OGG1: variants seen among roughly 807,000 people sequenced by gnomAD.
OGG1 encodes the protein 8-oxoguanine DNA glycosylase, also known as N-glycosylase/DNA lyase.
OGG1 carries 35 observed loss-of-function variants against 42.3 expected under a neutral mutation model. That is an observed-to-expected ratio of 0.83 (90% CI 0.63 to 1.10). The LOEUF is 1.10. Ranked by LOEUF, OGG1 falls within the 50% of genes least tolerant of loss-of-function variation. The pLI is 0.00. For missense variants in OGG1, 484 were observed against 446.7 expected, an observed-to-expected ratio of 1.08 and a Z score of -0.75; for synonymous variants, 189 against 179.0, an observed-to-expected ratio of 1.06 and a Z score of -0.44.
intron 4 of OGG1, 142 bp from the exon 5 acceptor site, chr3:9,756,329 A>G: frequency 1.2e-6 from 1 of 815,522 alleles, no homozygotes; most frequent in Non-Finnish European, 2.0e-6. Context: ...AAGTGTATTC[A>G]TAGATAGTAT....
chr3:9,757,551 G>A, downstream of OGG1: 2 of 1,613,692 alleles, frequency 1.2e-6, no homozygotes, highest in Non-Finnish European at 1.7e-6. This position sits in a 1 kb window ranked among gnomAD's most constrained non-coding sequence, Gnocchi z 4.5. Context: ...AGAGCTGGTG[G>A]GGCAGTGTGG....
intron 3 of OGG1, chr3:9,783,239 A>G (rs1375529899): frequency 6.6e-6 from 1 of 152,198 alleles, no homozygotes; most frequent in Non-Finnish European, 1.5e-5. Context: ...ATGAAAAGAC[A>G]AAAAATAAAT....
intron 3 of OGG1, chr3:9,785,294 T>C: frequency 6.3e-7 from 1 of 1,582,454 alleles, no homozygotes; most frequent in Non-Finnish European, 8.7e-7. Flanking sequence ...AGACTGTGGG[T>C]TGTGGATAGG....
intron 3 of OGG1, among the ~76,000 whole-genome samples, chr3:9,785,923 C>G (rs1331037069): frequency 6.6e-6 from 1 of 151,158 alleles, no homozygotes; most frequent in Non-Finnish European, 1.5e-5. Context: ...CCTTCACACA[C>G]TCCTCCTTGT....
At chr3:9,786,320 G>A (rs2078609769) in intron 3 of OGG1, among the ~76,000 whole-genome samples, 2 of 152,080 alleles carry the variant, frequency 1.3e-5, no homozygotes, top group Non-Finnish European at 2.9e-5. Context: ...CCGTCAGCTG[G>A]GGTCCCTGTC....
rs56387615 is a variant in OGG1, at chr3:9,750,234, G to C, written c.-53G>C. Reference sequence around the variant, plus strand: ...CTGGGCGGGGTCTTTGGGCGTCGACGAGGCCTGGTTCTGGGTAGGCGGGGC... The same window carrying C: ...CTGGGCGGGGTCTTTGGGCGTCGACCAGGCCTGGTTCTGGGTAGGCGGGGC... On this transcript the variant is annotated 5_prime_UTR_variant, in exon 1 of 7. Coordinates refer to ENST00000344629, the MANE Select transcript of OGG1 (RefSeq NM_002542.6). 507 of 1,575,458 alleles carry C rather than the reference G, an allele frequency of 3.2e-4. 6 individuals carry two copies. The East Asian group carries it at 5.5e-3, about 17-fold the overall frequency.
At chr3:9,767,706 T>C (rs772591110), downstream of OGG1, 2 of 1,614,060 alleles carry the variant, frequency 1.2e-6, no homozygotes, top group East Asian at 2.2e-5. Flanking sequence ...GTCTCTAATG[T>C]CCTCCGCCTG....
chr3:9,771,174 C>T (rs892332941), downstream of OGG1, among the ~76,000 whole-genome samples: 61 of 151,816 alleles, frequency 4.0e-4, no homozygotes, highest in African/African-American at 1.5e-3. Context: ...ACTACAGGTG[C>T]GTGCCACCAC....
At position 9,757,125 on chromosome 3, in the gene OGG1, A is replaced by C; in HGVS notation, c.1013A>C (p.Lys338Thr). 1 of 1,614,152 alleles carries C rather than the reference A, an allele frequency of 6.2e-7. No homozygotes were observed. Among genetic ancestry groups the C allele is most frequent in the Non-Finnish European group, 8.5e-7 (1 of 1,180,012 alleles). The change falls in exon 7 of 7, where the codon AAG becomes ACG. Residue 338 changes from lysine (K) to threonine (T), a missense_variant. Transcript: ENST00000344629. The surrounding 1 kb of genome is among the most constrained non-coding windows in gnomAD (Gnocchi z 4.5). Reference sequence around the variant, plus strand: ...CAGGAGCCACCAGCAAAGCGCAGAAAGGGTTCCAAAGGGCCGGAAGGCTAG... The same window carrying C: ...CAGGAGCCACCAGCAAAGCGCAGAACGGGTTCCAAAGGGCCGGAAGGCTAG... Reference protein sequence around the residue: ...HAQEPPAKRRKGSKGPEG With the variant: ...HAQEPPAKRRTGSKGPEG
At chr3:9,762,043 C>G, downstream of OGG1, 1 of 315,142 alleles carries the variant, frequency 3.2e-6, no homozygotes, top group Non-Finnish European at 6.0e-6. Flanking sequence ...TGGATTAGTG[C>G]TTGATTTAAT....
chr3:9,787,058 T>C, intron 3 of OGG1: 3 of 1,614,182 alleles, frequency 1.9e-6, no homozygotes, highest in Non-Finnish European at 2.5e-6. Context: ...GGGGCATCCA[T>C]CTTCCGGCTG....
chr3:9,790,660 A>G (rs1200378925), downstream of OGG1, among the ~76,000 whole-genome samples: 1 of 152,222 alleles, frequency 6.6e-6, no homozygotes, highest in East Asian at 1.9e-4. Flanking sequence ...AATAAATAAC[A>G]TCTGAAGTAC....
intron 2 of OGG1, among the ~76,000 whole-genome samples, chr3:9,779,419 C>T (rs2078410349): frequency 6.6e-6 from 1 of 152,036 alleles, no homozygotes; most frequent in Non-Finnish European, 1.5e-5. Flanking sequence ...CCCAACTGCT[C>T]CACTGCCACA....
chr3:9,759,910 T>C, downstream of OGG1: 1 of 1,146,006 alleles, frequency 8.7e-7, no homozygotes, highest in Non-Finnish European at 1.2e-6. Context: ...CTTCAGGCCC[T>C]CCCACCCCGT....
intron 3 of OGG1, chr3:9,785,461 G>A (rs1233424700): frequency 7.0e-7 from 1 of 1,430,604 alleles, no homozygotes; most frequent in East Asian, 2.3e-5. Flanking sequence ...AGGAAAAATA[G>A]CTGTTCCACT....
At position 9,764,799 on chromosome 3, in the gene OGG1, A is replaced by C. The variant is rs2078074410; in HGVS notation, c.1049-1010A>C. 2.6e-5 allele frequency among the ~76,000 whole-genome samples: 4 copies of C among 151,450 alleles called. No individual in the cohort carries two copies. In the South Asian group the frequency reaches 8.4e-4, roughly 32 times the overall value. On this transcript the variant is annotated intron_variant, in intron 7 of 7. Transcript: ENST00000302008. ...AGGCATGTGCCACCACGCCTGGCTA[A>C]TTTTGTATTTTTAGTAGAGACAGGG...
chr3:9,757,220 C>T lies in OGG1; in HGVS notation c.*70C>T. The T allele has an allele frequency of 6.2e-7, 1 of 1,613,818 alleles. No homozygotes were observed. Among genetic ancestry groups the T allele is most frequent in the Non-Finnish European group, 8.5e-7 (1 of 1,179,792 alleles). Reference sequence around the variant, plus strand: ...CATTCCCCACTTCTCTCTCCCCATCCCCACCCAGTCTCATGTTGGGGAGGG... The same window carrying T: ...CATTCCCCACTTCTCTCTCCCCATCTCCACCCAGTCTCATGTTGGGGAGGG... On this transcript the variant is annotated 3_prime_UTR_variant, in exon 7 of 7. Transcript: ENST00000344629. This position sits in a 1 kb window ranked among gnomAD's most constrained non-coding sequence, Gnocchi z 4.5.
intron 7 of OGG1, chr3:9,765,717 G>A (rs199991835): frequency 8.1e-6 from 13 of 1,606,904 alleles, no homozygotes; most frequent in Non-Finnish European, 1.1e-5. Flanking sequence ...GAGGGCCAAG[G>A]CAGGGTCAGC....
chr3:9,786,892 C>A lies in OGG1; in HGVS notation c.383-836C>A, dbSNP rs2125623509. ...ATTAGTCCAGGTTTTTACTTTTGCA[C>A]CAACCTATTTTTGCACCAACCTAAT... On this transcript the variant is annotated intron_variant, in intron 3 of 3. Transcript: ENST00000426518. 4 of 966,882 alleles carry A rather than the reference C, an allele frequency of 4.1e-6. No individual in the cohort carries two copies. In the South Asian group the frequency reaches 4.7e-5, roughly 11 times the overall value. 59.9% of individuals were successfully genotyped at this position (966,882 alleles called of 1,614,324 possible).
Sources: allele counts gnomAD v4.1 joint callset (sites outside exome capture counted in the v4.1 genomes callset), GRCh38; gene constraint gnomAD v4.1.1; non-coding constraint Gnocchi (gnomAD v3.1); transcripts MANE v1.5; gene names NCBI Gene and HGNC (gene_info 2026-07-23, HGNC 2026-07-21).